The following TMEM232 variants were observed in gnomAD, a reference collection of about 807,000 sequenced individuals.
The protein encoded by TMEM232 is transmembrane protein 232.
TMEM232 carries 80 observed loss-of-function variants against 78.8 expected under a neutral mutation model. The ratio of observed to expected loss-of-function variants is 1.01; its 90% CI spans 0.85 to 1.22. The LOEUF (loss-of-function observed/expected upper bound fraction) is 1.22. Ranked by LOEUF, TMEM232 falls within the 50% of genes most tolerant of loss-of-function variation. The probability of loss-of-function intolerance (pLI) is 0.00; values close to 1 mark genes in which losing one functional copy is unlikely to be tolerated. For missense variants in TMEM232, 881 were observed against 742.2 expected, an observed-to-expected ratio of 1.19 and a Z score of -2.17; for synonymous variants, 297 against 254.3, an observed-to-expected ratio of 1.17 and a Z score of -1.60.
intron 12 of TMEM232, among the ~76,000 whole-genome samples, chr5:110,510,580 A>G (rs1464419684): frequency 6.6e-6 from 1 of 152,202 alleles, no homozygotes; most frequent in East Asian, 1.9e-4. Flanking sequence ...CAATGGCAAT[A>G]ACAAAACAAA....
At chr5:110,540,986 G>C (rs1338148370) in intron 11 of TMEM232, among the ~76,000 whole-genome samples, 3 of 152,146 alleles carry the variant, frequency 2.0e-5, no homozygotes, top group South Asian at 2.1e-4. Flanking sequence ...CAGCAAGTCT[G>C]ACAGAGAAGC....
intron 11 of TMEM232, among the ~76,000 whole-genome samples, chr5:110,559,855 A>G (rs908894042): frequency 3.3e-5 from 5 of 152,144 alleles, no homozygotes; most frequent in African/African-American, 1.2e-4. Context: ...CCTCTCTTCT[A>G]GCTTCTAGTG....
upstream of TMEM232, among the ~76,000 whole-genome samples, chr5:110,731,217 T>G (rs1311066640): frequency 6.6e-6 from 1 of 152,234 alleles, no homozygotes; most frequent in Non-Finnish European, 1.5e-5. Flanking sequence ...CCCCTGTGGC[T>G]GTGCAGGTTA....
intron 12 of TMEM232, among the ~76,000 whole-genome samples, chr5:110,513,196 G>A (rs774961707): frequency 3.9e-5 from 6 of 152,238 alleles, no homozygotes; most frequent in Non-Finnish European, 7.4e-5. Context: ...ATTACAAACC[G>A]ATGTACGAAG....
rs537059638 is a variant in TMEM232, at chr5:110,663,995, C to A, written c.125+3233G>T. ...ACTACAAAAAAAATTTTTTATTTAT[C>A]CGTGTATGGTGACATGTGCCTGTGA... On this transcript the variant is annotated intron_variant, in intron 2 of 13. Coordinates refer to ENST00000455884, the MANE Select transcript of TMEM232 (RefSeq NM_001039763.4). 2.0e-5 allele frequency among the ~76,000 whole-genome samples: 3 copies of A among 152,106 alleles called. No individual in the cohort carries two copies. In the South Asian group the frequency reaches 6.2e-4, roughly 32 times the overall value.
chr5:110,429,496 T>A (rs760510434), intron 12 of TMEM232, among the ~76,000 whole-genome samples: 2 of 151,706 alleles, frequency 1.3e-5, no homozygotes, highest in African/African-American at 2.4e-5. Flanking sequence ...CAGGAGATAT[T>A]CCCCAGGAGC....
At chr5:110,714,453 C>G (rs1414021170) in intron 1 of TMEM232, among the ~76,000 whole-genome samples, 2 of 152,126 alleles carry the variant, frequency 1.3e-5, no homozygotes, top group South Asian at 2.1e-4. Flanking sequence ...CCTTGTATAG[C>G]CCACTCGAGG....
At chr5:110,427,279 C>A (rs145781123) in intron 12 of TMEM232, among the ~76,000 whole-genome samples, 7 of 151,972 alleles carry the variant, frequency 4.6e-5, no homozygotes, top group Admixed American at 4.6e-4. Flanking sequence ...ATAGCACCTG[C>A]CTTATTGTTT....
chr5:110,552,446 A>G (rs1774585367), intron 11 of TMEM232, among the ~76,000 whole-genome samples: 1 of 152,092 alleles, frequency 6.6e-6, no homozygotes, highest in Admixed American at 6.6e-5. Context: ...AAAGGTGAAG[A>G]TTGTCTTTCA....
chr5:110,415,187 C>T (rs1383297139), downstream of TMEM232, among the ~76,000 whole-genome samples: 6 of 148,044 alleles, frequency 4.1e-5, no homozygotes, highest in East Asian at 9.9e-4. Flanking sequence ...TCTTTCTCTC[C>T]AACTTTTTTT....
At chr5:110,642,972 G>A (rs758999200) in intron 2 of TMEM232, among the ~76,000 whole-genome samples, 10 of 151,584 alleles carry the variant, frequency 6.6e-5, no homozygotes, top group Non-Finnish European at 1.5e-4. Context: ...GTGTAGGGAG[G>A]TGGGATGTAG....
Position 110,617,383 on chromosome 5 carries a change from A to AT in TMEM232, c.902+1045_902+1046insA, listed in dbSNP as rs200651616. The stretch of plus-strand genomic sequence containing the variant: ...TGCAGCATTGTGACTATGGTAAAAA[A>AT]AATATATTTTGAAATTGCTAATAGA... On this transcript the variant is annotated intron_variant, in intron 8 of 13. Coordinates refer to ENST00000455884, the MANE Select transcript of TMEM232 (RefSeq NM_001039763.4). 7.9e-3 allele frequency among the ~76,000 whole-genome samples: 1,120 copies of AT among 142,174 alleles called. 11 individuals are homozygous for AT. Among genetic ancestry groups the AT allele is most frequent in the African/African-American group, 0.031 (1,039 of 33,680 alleles). 93.3% of individuals were successfully genotyped at this position (142,174 alleles called of 152,430 possible). A position where few individuals can be genotyped will look rare whatever the true frequency, so the allele number is the denominator to read the frequency against.
At chr5:110,647,676 T>C (rs1787690338) in intron 2 of TMEM232, among the ~76,000 whole-genome samples, 1 of 152,058 alleles carries the variant, frequency 6.6e-6, no homozygotes, top group South Asian at 2.1e-4. Flanking sequence ...GTTCAATTGA[T>C]CTTAATATGC....
chr5:110,657,922 A>G (rs1789303995), intron 2 of TMEM232, among the ~76,000 whole-genome samples: 1 of 152,176 alleles, frequency 6.6e-6, no homozygotes, highest in Non-Finnish European at 1.5e-5. Context: ...TGAAAAGGAA[A>G]AAAATGAAAT....
intron 12 of TMEM232, among the ~76,000 whole-genome samples, chr5:110,453,984 C>G (rs1012555818): frequency 2.0e-5 from 3 of 152,038 alleles, no homozygotes; most frequent in African/African-American, 7.2e-5. Flanking sequence ...GTGTGTGAAC[C>G]TAAAAACTCT....
intron 10 of TMEM232, among the ~76,000 whole-genome samples, chr5:110,583,493 T>C (rs1778434750): frequency 1.3e-5 from 2 of 151,762 alleles, no homozygotes; most frequent in Non-Finnish European, 2.9e-5. Context: ...CAACTCAAAA[T>C]TGATTAGAGA....
chr5:110,638,135 G>T, intron 5 of TMEM232, 63 bp downstream of exon 5: 1 of 1,251,456 alleles, frequency 8.0e-7, no homozygotes, highest in Non-Finnish European at 1.1e-6. Context: ...TAAAACAGAT[G>T]TCATGTTGTT....
At chr5:110,704,826 C>T (rs569645966) in intron 1 of TMEM232, among the ~76,000 whole-genome samples, 1 of 152,040 alleles carries the variant, frequency 6.6e-6, no homozygotes, top group African/African-American at 2.4e-5. Context: ...CACTGTATTA[C>T]TATGAATATA....
intron 1 of TMEM232, among the ~76,000 whole-genome samples, chr5:110,683,037 C>T (rs962628921): frequency 2.0e-5 from 3 of 152,104 alleles, no homozygotes; most frequent in African/African-American, 7.2e-5. Flanking sequence ...TCAGTTATCT[C>T]ATCTACAAAT....
Sources: allele counts gnomAD v4.1 joint callset (sites outside exome capture counted in the v4.1 genomes callset), GRCh38; gene constraint gnomAD v4.1.1; transcripts MANE v1.5; gene names NCBI Gene and HGNC (gene_info 2026-07-23, HGNC 2026-07-21).